Variants in LMBRD1 observed in about 807,000 individuals in gnomAD.
LMBRD1 encodes the protein lysosomal cobalamin transport escort protein LMBD1.
In LMBRD1, 64 loss-of-function variants were observed where a neutral mutation model predicts 74.8. That is an observed-to-expected ratio of 0.86 (90% CI 0.70 to 1.05). The LOEUF is 1.05. Ranked by LOEUF, LMBRD1 falls within the 50% of genes least tolerant of loss-of-function variation. The pLI, the probability that LMBRD1 is intolerant of heterozygous loss-of-function variation, is 0.00. For missense variants in LMBRD1, 652 were observed against 645.9 expected (o/e 1.01, Z -0.10); for synonymous variants, 204 against 216.3 (o/e 0.94, Z 0.50).
At chr6:69,711,406 A>C (rs1336824599) in intron 9 of LMBRD1, among the ~76,000 whole-genome samples, 1 of 152,174 alleles carries the variant, frequency 6.6e-6, no homozygotes, top group Non-Finnish European at 1.5e-5. Context: ...CAGTCTGTAC[A>C]CTTAGTAAAG....
intron 7 of LMBRD1, among the ~76,000 whole-genome samples, chr6:69,731,205 A>C (rs1245263625): frequency 6.6e-6 from 1 of 152,128 alleles, no homozygotes; most frequent in Non-Finnish European, 1.5e-5. Context: ...TAATGGGTAC[A>C]AAAGTACAGT....
chr6:69,789,974 C>A (rs1407344181), intron 2 of LMBRD1, among the ~76,000 whole-genome samples: 3 of 152,250 alleles, frequency 2.0e-5, no homozygotes, highest in African/African-American at 7.2e-5. Context: ...CCTGATCTGC[C>A]ACTAACAAAA....
At chr6:69,733,157 A>T (rs1766898651) in intron 7 of LMBRD1, among the ~76,000 whole-genome samples, 1 of 152,198 alleles carries the variant, frequency 6.6e-6, no homozygotes, top group Non-Finnish European at 1.5e-5. Flanking sequence ...CAAAAAAAAA[A>T]TTCAGTTACA....
intron 14 of LMBRD1, among the ~76,000 whole-genome samples, chr6:69,688,922 CT>C (rs1352777203): frequency 3.3e-5 from 5 of 151,990 alleles, no homozygotes; most frequent in African/African-American, 1.2e-4. Context: ...GTATGTATTG[CT>C]ATTTAAAGTA....
chr6:69,735,824 G>A (rs909417614), intron 7 of LMBRD1, among the ~76,000 whole-genome samples: 3 of 152,148 alleles, frequency 2.0e-5, no homozygotes, highest in African/African-American at 7.2e-5. Flanking sequence ...AACCCTAACT[G>A]TGGACTATAA....
intron 3 of LMBRD1, 90 bp downstream of exon 3, chr6:69,780,404 G>A: frequency 2.1e-6 from 2 of 958,202 alleles, no homozygotes; most frequent in Admixed American, 1.7e-5. Context: ...TTCGACCCAA[G>A]AGGAAGAACC....
At chr6:69,741,762 AT>A (rs1159093422) in intron 6 of LMBRD1, 26 bp downstream of exon 6, 1 of 1,287,664 alleles carries the variant, frequency 7.8e-7, no homozygotes, top group Non-Finnish European at 1.1e-6. Flanking sequence ...ATAAACTACT[AT>A]GTTTTTTAAA....
chr6:69,730,749 T>C (rs1766837977), intron 7 of LMBRD1, among the ~76,000 whole-genome samples: 1 of 152,112 alleles, frequency 6.6e-6, no homozygotes. Context: ...GATGCATCGG[T>C]AGTAAAGAAA....
chr6:69,718,342 A>G (rs1044821425), intron 8 of LMBRD1, among the ~76,000 whole-genome samples: 11 of 152,184 alleles, frequency 7.2e-5, no homozygotes, highest in Non-Finnish European at 1.6e-4. Flanking sequence ...TTGATCATAC[A>G]TAAGAAAAAC....
intron 3 of LMBRD1, among the ~76,000 whole-genome samples, chr6:69,772,663 G>A (rs1036687416): frequency 1.3e-5 from 2 of 152,084 alleles, no homozygotes; most frequent in Non-Finnish European, 2.9e-5. Context: ...AAAGGGGCAG[G>A]AGACAGGACA....
chr6:69,786,481 G>T (rs1376815284), intron 2 of LMBRD1, among the ~76,000 whole-genome samples: 1 of 136,066 alleles, frequency 7.3e-6, no homozygotes, highest in Non-Finnish European at 1.6e-5. Context: ...TATTAGTGTC[G>T]ATTTCTTTTT....
At chr6:69,796,684 C>T in intron 1 of LMBRD1, 129 bp downstream of exon 1, 1 of 849,796 alleles carries the variant, frequency 1.2e-6, no homozygotes, top group East Asian at 2.7e-5. Flanking sequence ...AAGGAGCCCT[C>T]CACAGTCCAA....
At chr6:69,699,469 G>C (rs536534226) in intron 12 of LMBRD1, among the ~76,000 whole-genome samples, 6 of 151,848 alleles carry the variant, frequency 4.0e-5, no homozygotes, top group Admixed American at 1.3e-4. Flanking sequence ...AAGATTAGAA[G>C]TATGAATTTA....
At position 69,675,462 on chromosome 6, in the gene LMBRD1, T is replaced by C. The variant is rs1765526048; in HGVS notation, c.*696A>G. Reference sequence around the variant, plus strand: ...TTTTTTTTCCAGGATTAATTATTCTTGACAATACCCCTATTTATATTGAAA... The same window carrying C: ...TTTTTTTTCCAGGATTAATTATTCTCGACAATACCCCTATTTATATTGAAA... On this transcript the variant is annotated 3_prime_UTR_variant, in exon 16 of 16. Coordinates refer to ENST00000649934, the MANE Select transcript of LMBRD1 (RefSeq NM_018368.4). Among the ~76,000 whole-genome samples, 1 of 152,152 alleles carries C rather than the reference T, an allele frequency of 6.6e-6. No individual in the cohort carries two copies. The highest frequency in any genetic ancestry group is 2.1e-4 in the South Asian group (1 of 4,828).
chr6:69,756,011 A>G (rs544415792), intron 3 of LMBRD1, among the ~76,000 whole-genome samples: 12 of 152,228 alleles, frequency 7.9e-5, no homozygotes, highest in Non-Finnish European at 1.6e-4. Flanking sequence ...CTGTACCTCA[A>G]TAAAAAGACA....
At chr6:69,706,048 T>C (rs1766249530) in intron 9 of LMBRD1, 3 of 728,022 alleles carry the variant, frequency 4.1e-6, no homozygotes, top group Middle Eastern at 3.9e-4. Flanking sequence ...CTAGTGCTCA[T>C]TTTCATCATT....
At chr6:69,701,199 A>G (rs1766122122) in intron 11 of LMBRD1, among the ~76,000 whole-genome samples, 1 of 151,898 alleles carries the variant, frequency 6.6e-6, no homozygotes, top group Non-Finnish European at 1.5e-5. Context: ...AATATATCCC[A>G]AGTCAAATTA....
intron 7 of LMBRD1, among the ~76,000 whole-genome samples, chr6:69,720,785 C>T (rs1766596865): frequency 6.6e-6 from 1 of 152,146 alleles, no homozygotes; most frequent in African/African-American, 2.4e-5. Flanking sequence ...AGTAAGCAAT[C>T]ACAGTACCTG....
chr6:69,768,149 G>C (rs1254203931), intron 3 of LMBRD1, among the ~76,000 whole-genome samples: 1 of 151,860 alleles, frequency 6.6e-6, no homozygotes, highest in Non-Finnish European at 1.5e-5. Context: ...AATCTCATTT[G>C]ATTGGGGGTA....
Sources: gnomAD v4.1 joint callset for allele counts (sites outside exome capture counted in the v4.1 genomes callset) on GRCh38, gnomAD v4.1.1 for gene constraint, MANE v1.5 for transcripts, NCBI Gene and HGNC (gene_info 2026-07-23, HGNC 2026-07-21) for gene names.